Variants in CRIM1 observed in about 807,000 individuals in gnomAD.
The protein encoded by CRIM1 is cysteine-rich motor neuron 1 protein.
CRIM1 carries 32 observed loss-of-function variants against 116.4 expected under a neutral mutation model. The observed-to-expected ratio is 0.27, with a 90% CI of 0.21 to 0.37. The LOEUF (loss-of-function observed/expected upper bound fraction) is 0.37, where lower values mean the gene tolerates loss of function less well. Among genes scored for constraint, CRIM1 ranks in the 10% least tolerant of loss-of-function variants. The pLI, the probability that CRIM1 is intolerant of heterozygous loss-of-function variation, is 1.00. For missense variants in CRIM1, 1,331 were observed against 1,354.8 expected (o/e 0.98, Z 0.28); for synonymous variants, 590 against 509.2 (o/e 1.16, Z -2.13).
At chr2:36,430,279 T>C (rs749131702) in intron 2 of CRIM1, among the ~76,000 whole-genome samples, 13 of 152,148 alleles carry the variant, frequency 8.5e-5, no homozygotes, top group Non-Finnish European at 1.8e-4. Flanking sequence ...AGCCCTTTAA[T>C]GGCTATGAAG....
chr2:36,534,124 G>A (rs575180370), intron 13 of CRIM1, among the ~76,000 whole-genome samples: 1 of 143,676 alleles, frequency 7.0e-6, no homozygotes, highest in South Asian at 2.3e-4. Flanking sequence ...GGAGGGGAAA[G>A]GAGGGAAGAA....
chr2:36,550,062 T>C lies in CRIM1; in HGVS notation c.*1361T>C, dbSNP rs531666321. The C allele has an allele frequency of 1.1e-4, 16 of 148,678 alleles. No individual in the cohort carries two copies. The South Asian group carries it at 2.3e-3, about 21-fold the overall frequency. 9.2% of individuals were successfully genotyped at this position (148,678 alleles called of 1,614,324 possible). A position where few individuals can be genotyped will look rare whatever the true frequency, so the allele number is the denominator to read the frequency against. On this transcript the variant is annotated 3_prime_UTR_variant, in exon 17 of 17. Transcript: ENST00000280527. ...ATGTATGTGTGTGTGTGTGTGTGTG[T>C]GTGTGCGCGCGCACGCACGCCTTGA...
At position 36,356,581 on chromosome 2, in the gene CRIM1, A is replaced by T. The variant is rs1253743762; in HGVS notation, c.289A>T (p.Asn97Tyr). The T allele has an allele frequency of 6.2e-7, 1 of 1,611,946 alleles. No homozygotes were observed. Residue 97 changes from asparagine (N) to tyrosine (Y), a missense_variant, in exon 1 of 17, where the codon AAT becomes TAT. Transcript: ENST00000280527. This position sits in a 1 kb window ranked among gnomAD's most constrained non-coding sequence, Gnocchi z 4.3. ...GLRCVIRPPL[N>Y]GDSLTEYEAG... ...GCGTTGTGTCATCCGCCCCCCGCTC[A>T]ATGGCGACTCCCTCACCGAGTACGA...
rs540489927 is a variant in CRIM1 at position 36,537,028 on chromosome 2, A to G, written c.2429-324A>G. 5.1e-4 allele frequency among the ~76,000 whole-genome samples: 77 copies of G among 152,216 alleles called. No individual in the cohort carries two copies. The South Asian group carries it at 0.011, about 21-fold the overall frequency. On this transcript the variant is annotated intron_variant, in intron 13 of 16. Transcript: ENST00000280527. ...TACAAAACAGGAACTTCTTGAATCC[A>G]TCTCTGTAAATAAACTCAGCTGGAC... is the stretch of plus-strand genomic sequence containing the variant.
At chr2:36,427,423 A>C (rs1056140326) in intron 2 of CRIM1, among the ~76,000 whole-genome samples, 1 of 152,138 alleles carries the variant, frequency 6.6e-6, no homozygotes, top group Non-Finnish European at 1.5e-5. Flanking sequence ...TCAGAACAAG[A>C]GCAGAGAAGC....
chr2:36,517,973 T>C (rs1445631641), intron 12 of CRIM1, among the ~76,000 whole-genome samples: 1 of 152,228 alleles, frequency 6.6e-6, no homozygotes, highest in Non-Finnish European at 1.5e-5. Flanking sequence ...CTTTGAAATA[T>C]AAGGGTGGCG....
At chr2:36,539,074 G>A (rs967394462) in intron 14 of CRIM1, among the ~76,000 whole-genome samples, 1 of 152,180 alleles carries the variant, frequency 6.6e-6, no homozygotes, top group Non-Finnish European at 1.5e-5. Flanking sequence ...CAGCTAACAG[G>A]TAAACAGTAA....
intron 2 of CRIM1, among the ~76,000 whole-genome samples, chr2:36,422,539 C>T (rs1221612283): frequency 1.3e-5 from 2 of 152,122 alleles, no homozygotes; most frequent in Non-Finnish European, 2.9e-5. Context: ...CACTACTTAT[C>T]GCTCTTCAGA....
intron 2 of CRIM1, among the ~76,000 whole-genome samples, chr2:36,414,295 A>G (rs925257406): frequency 8.5e-5 from 13 of 152,230 alleles, no homozygotes; most frequent in Non-Finnish European, 2.9e-5. Flanking sequence ...AAGTTAAATG[A>G]CACACAAAAG....
intron 15 of CRIM1, 21 bp from the exon 16 acceptor site, chr2:36,546,963 T>C (rs779789881): frequency 7.0e-7 from 1 of 1,434,192 alleles, no homozygotes; most frequent in East Asian, 2.3e-5. Flanking sequence ...TAATAAATGC[T>C]TATAATTTTT....
chr2:36,477,088 A>T lies in CRIM1; in HGVS notation c.1174+17A>T. 1 of 1,587,956 alleles carries T rather than the reference A, an allele frequency of 6.3e-7. No individual in the cohort carries two copies. Among genetic ancestry groups the T allele is most frequent in the Non-Finnish European group, 8.6e-7 (1 of 1,165,424 alleles). ...TGTGTGAAGGTAAGAAAAGGTGCTA[A>T]TTACAGATTAACAGGAGCATACATG... On this transcript the variant is annotated intron_variant, in intron 6 of 16. Transcript: ENST00000280527.
At chr2:36,521,044 T>C (rs1255568603) in intron 12 of CRIM1, among the ~76,000 whole-genome samples, 2 of 152,234 alleles carry the variant, frequency 1.3e-5, no homozygotes, top group Non-Finnish European at 2.9e-5. Context: ...TGCTCTCTTA[T>C]CAGTTGGACT....
chr2:36,410,639 C>T (rs1209046249), intron 2 of CRIM1, among the ~76,000 whole-genome samples: 1 of 151,956 alleles, frequency 6.6e-6, no homozygotes, highest in African/African-American at 2.4e-5. Flanking sequence ...TGGTTATCCT[C>T]TAACAGAAGG....
intron 2 of CRIM1, among the ~76,000 whole-genome samples, chr2:36,398,414 T>C (rs1401485776): frequency 6.6e-6 from 1 of 152,206 alleles, no homozygotes; most frequent in African/African-American, 2.4e-5. Context: ...CAGTGTCTCG[T>C]CACATAAAAT....
At chr2:36,392,207 T>C (rs1397557609) in intron 1 of CRIM1, among the ~76,000 whole-genome samples, 2 of 152,246 alleles carry the variant, frequency 1.3e-5, no homozygotes, top group African/African-American at 2.4e-5. Context: ...ATTGGACATA[T>C]TTGAACATAT....
At chr2:36,435,364 C>CAG (rs911239412) in intron 2 of CRIM1, among the ~76,000 whole-genome samples, 36 of 150,786 alleles carry the variant, frequency 2.4e-4, no homozygotes, top group Admixed American at 3.3e-4. Context: ...GAGAGAGAGA[C>CAG]AGAGAGAGAG....
chr2:36,472,550 A>C (rs1678612123), intron 5 of CRIM1, among the ~76,000 whole-genome samples: 1 of 152,086 alleles, frequency 6.6e-6, no homozygotes, highest in African/African-American at 2.4e-5. Context: ...CTCCTGCTTA[A>C]GCTTCTGCAC....
chr2:36,381,442 G>T (rs1323032336), intron 1 of CRIM1, among the ~76,000 whole-genome samples: 1 of 152,232 alleles, frequency 6.6e-6, no homozygotes, highest in Non-Finnish European at 1.5e-5. Flanking sequence ...TGAACTGCCA[G>T]AGCAGTTGGG....
chr2:36,527,271 T>C (rs981303731), intron 13 of CRIM1, among the ~76,000 whole-genome samples: 2 of 152,120 alleles, frequency 1.3e-5, no homozygotes, highest in Non-Finnish European at 2.9e-5. Context: ...GCGAGTATCA[T>C]TGAAGTGTTT....
Sources: allele counts gnomAD v4.1 joint callset (sites outside exome capture counted in the v4.1 genomes callset), GRCh38; gene constraint gnomAD v4.1.1; non-coding constraint Gnocchi (gnomAD v3.1); transcripts MANE v1.5; gene names NCBI Gene and HGNC (gene_info 2026-07-23, HGNC 2026-07-21).